Variants in DYM observed in about 807,000 individuals in gnomAD.
DYM encodes dymeclin.
DYM carries 78 observed loss-of-function variants against 93.1 expected under a neutral mutation model. The observed-to-expected ratio is 0.84, with a 90% CI of 0.70 to 1.01. The LOEUF (loss-of-function observed/expected upper bound fraction) is 1.01, where lower values mean the gene tolerates loss of function less well. Among genes scored for constraint, DYM ranks in the 50% least tolerant of loss-of-function variants. DYM has a pLI of 0.00. For synonymous variants in DYM, 321 were observed against 319.7 expected (o/e 1.00, Z -0.04); for missense variants, 789 against 845.0 (o/e 0.93, Z 0.82).
chr18:49,230,534 G>A (rs1456806121), intron 13 of DYM, among the ~76,000 whole-genome samples: 1 of 152,058 alleles, frequency 6.6e-6, no homozygotes. Context: ...TACCAAAAAT[G>A]AGCTATACTG....
intron 6 of DYM, among the ~76,000 whole-genome samples, chr18:49,358,454 T>C (rs2065748780): frequency 6.6e-6 from 1 of 152,242 alleles, no homozygotes; most frequent in African/African-American, 2.4e-5. Context: ...TCCCCTGTAC[T>C]CGACAAGTCA....
chr18:49,419,898 T>C (rs989116007), intron 2 of DYM, among the ~76,000 whole-genome samples: 1 of 152,206 alleles, frequency 6.6e-6, no homozygotes, highest in East Asian at 1.9e-4. Context: ...TTTTGGACAA[T>C]AAATCATGCT....
intron 10 of DYM, among the ~76,000 whole-genome samples, chr18:49,280,443 T>C (rs2094941750): frequency 6.6e-6 from 1 of 152,174 alleles, no homozygotes; most frequent in Non-Finnish European, 1.5e-5. Context: ...ATCAGGAATA[T>C]TCTGCAACTG....
intron 14 of DYM, among the ~76,000 whole-genome samples, chr18:49,193,807 CCTT>C (rs1301487573): frequency 1.3e-5 from 2 of 152,184 alleles, no homozygotes; most frequent in Non-Finnish European, 2.9e-5. Flanking sequence ...ATTCTCCTCT[CCTT>C]CTTCATCTTT....
Position 49,283,766 on chromosome 18 carries a change from T to C in DYM, c.947-1591A>G, listed in dbSNP as rs185233869. Among the ~76,000 whole-genome samples, 41 of 152,352 alleles carry C rather than the reference T, an allele frequency of 2.7e-4. No homozygotes were observed. In the East Asian group the frequency reaches 7.5e-3, roughly 28 times the overall value. On this transcript the variant is annotated intron_variant, in intron 9 of 17. Transcript: ENST00000675505. ...AACTTGCTTTAACATTTCTAAAAGC[T>C]GTGCTCTTATGGAAAAAGAGATGTG...
chr18:49,209,807 G>T, intron 13 of DYM, 92 bp from the exon 14 acceptor site: 1 of 805,990 alleles, frequency 1.2e-6, no homozygotes, highest in Non-Finnish European at 1.6e-6. Context: ...AGCTTTCTGT[G>T]TATCTTCACT....
chr18:49,166,932 A>G (rs2087948173), intron 14 of DYM, among the ~76,000 whole-genome samples: 1 of 151,960 alleles, frequency 6.6e-6, no homozygotes, highest in Non-Finnish European at 1.5e-5. Context: ...AGAAAAAATA[A>G]GAACTCAGGA....
intron 14 of DYM, 134 bp from the exon 15 acceptor site, chr18:49,163,921 G>T: frequency 1.5e-6 from 1 of 653,482 alleles, no homozygotes; most frequent in Non-Finnish European, 2.7e-6. Context: ...TCATGCCTGT[G>T]TTAACAGCAA....
intron 15 of DYM, among the ~76,000 whole-genome samples, chr18:49,140,376 T>C (rs2084349426): frequency 1.3e-5 from 2 of 152,186 alleles, no homozygotes; most frequent in Admixed American, 1.3e-4. Flanking sequence ...AATGGGCTGA[T>C]CACTGCAAGG....
intron 14 of DYM, among the ~76,000 whole-genome samples, chr18:49,169,979 C>T (rs1304591782): frequency 2.0e-5 from 3 of 152,174 alleles, no homozygotes; most frequent in Non-Finnish European, 4.4e-5. Flanking sequence ...TCAGGGCTGA[C>T]TGAGGTCTCT....
At chr18:49,223,302 T>C (rs2093427159) in intron 13 of DYM, among the ~76,000 whole-genome samples, 2 of 152,096 alleles carry the variant, frequency 1.3e-5, no homozygotes, top group African/African-American at 2.4e-5. Flanking sequence ...GGGTAGCAAA[T>C]AGTTGCAGTC....
intron 14 of DYM, among the ~76,000 whole-genome samples, chr18:49,194,803 G>T (rs1346798333): frequency 6.6e-6 from 1 of 152,028 alleles, no homozygotes; most frequent in Non-Finnish European, 1.5e-5. Flanking sequence ...TTTCTGCTAA[G>T]TCATTTTGAA....
chr18:49,165,197 T>A (rs2087714287), intron 14 of DYM, among the ~76,000 whole-genome samples: 1 of 152,260 alleles, frequency 6.6e-6, no homozygotes, highest in East Asian at 1.9e-4. Context: ...GATTTTATAA[T>A]GATGAAAGCC....
rs146025326 is a variant in DYM at position 49,348,802 on chromosome 18, G to A, written c.494+14359C>T. On this transcript the variant is annotated intron_variant, in intron 6 of 17. Transcript: ENST00000675505. ...TGCACACCTGTAATCCCAGCTACTC[G>A]GGAGGCTGAGGCAGGAGAATCACTC... Among the ~76,000 whole-genome samples, 912 of 151,604 alleles carry A rather than the reference G, an allele frequency of 6.0e-3. 5 individuals carry two copies. Among genetic ancestry groups the A allele is most frequent in the Middle Eastern group, 0.014 (4 of 294 alleles).
intron 16 of DYM, chr18:49,114,670 CGTGTGTGTGT>C: frequency 3.3e-6 from 2 of 612,526 alleles, no homozygotes; most frequent in Non-Finnish European, 4.0e-6. Flanking sequence ...CTTTTTCTTT[CGTGTGTGTGT>C]GTGTGTGTGT....
chr18:49,444,792 T>C (rs768838808), intron 1 of DYM, among the ~76,000 whole-genome samples: 7 of 152,222 alleles, frequency 4.6e-5, no homozygotes, highest in Non-Finnish European at 8.8e-5. Flanking sequence ...AAAAGAATTC[T>C]GTAAATGTCG....
chr18:49,426,389 C>A (rs1268291063), intron 2 of DYM, among the ~76,000 whole-genome samples: 20 of 107,416 alleles, frequency 1.9e-4, no homozygotes, highest in African/African-American at 7.4e-4. Flanking sequence ...CACACTGGGG[C>A]CTGTTGTGGG....
chr18:49,401,507 C>T (rs540835317), intron 2 of DYM, among the ~76,000 whole-genome samples: 6 of 152,254 alleles, frequency 3.9e-5, no homozygotes, highest in African/African-American at 1.2e-4. Context: ...GTAATTGGGG[C>T]ATCCTCATCT....
At chr18:49,413,728 G>T (rs2072568731) in intron 2 of DYM, among the ~76,000 whole-genome samples, 1 of 152,164 alleles carries the variant, frequency 6.6e-6, no homozygotes, top group Non-Finnish European at 1.5e-5. Flanking sequence ...CATTATACTA[G>T]GCCAGGCACA....
Sources: gnomAD v4.1 joint callset for allele counts (sites outside exome capture counted in the v4.1 genomes callset) on GRCh38, gnomAD v4.1.1 for gene constraint, MANE v1.5 for transcripts, NCBI Gene and HGNC (gene_info 2026-07-23, HGNC 2026-07-21) for gene names.